Variants in PTPRQ observed in about 807,000 individuals in gnomAD.
The protein encoded by PTPRQ is phosphatidylinositol phosphatase PTPRQ.
PTPRQ carries 199 observed loss-of-function variants against 246.0 expected under a neutral mutation model. The observed-to-expected ratio is 0.81, with a 90% confidence interval of 0.72 to 0.91. The LOEUF is 0.91. Ranked by LOEUF, PTPRQ falls within the 40% of genes least tolerant of loss-of-function variation. The probability of loss-of-function intolerance (pLI) is 0.00; values close to 1 mark genes in which losing one functional copy is unlikely to be tolerated. For missense variants in PTPRQ, 2,624 were observed against 2,528.4 expected (o/e 1.04, Z -0.81); for synonymous variants, 869 against 853.2 (o/e 1.02, Z -0.32).
Position 80,534,426 on chromosome 12 carries a change from A to G in PTPRQ, c.2839+251A>G, listed in dbSNP as rs553427363. Among the ~76,000 whole-genome samples the G allele has an allele frequency of 8.5e-5, 13 of 152,178 alleles. No individual in the cohort carries two copies. In the East Asian group the frequency reaches 1.9e-3, roughly 23 times the overall value. On this transcript the variant is annotated intron_variant, in intron 18 of 44. Coordinates refer to ENST00000644991, the MANE Select transcript of PTPRQ (RefSeq NM_001145026.2). ...TTCACAGGGTTCTTATGAAGATTAC[A>G]TAAGTTTATATTTTTAAAAGCACTT...
At position 80,632,987 on chromosome 12, in the gene PTPRQ, T is replaced by C. The variant is rs575135041; in HGVS notation, c.5786+696T>C. 8.1e-4 allele frequency among the ~76,000 whole-genome samples: 124 copies of C among 152,228 alleles called. 1 individual carries two copies. The highest frequency in any genetic ancestry group is 2.7e-3 in the African/African-American group (114 of 41,532). On this transcript the variant is annotated intron_variant, in intron 34 of 44. Coordinates refer to ENST00000644991, the MANE Select transcript of PTPRQ (RefSeq NM_001145026.2). ...CACAATGAATAACAATAATGCAGGATTGGATCCCACAAGGGCAGTGTTTTC... is the reference window on the plus strand; with the variant it reads ...CACAATGAATAACAATAATGCAGGACTGGATCCCACAAGGGCAGTGTTTTC...
At chr12:80,678,865 C>T (rs1901229288) in intron 44 of PTPRQ, 121 bp from the exon 45 acceptor site, 1 of 1,296,470 alleles carries the variant, frequency 7.7e-7, no homozygotes, top group Non-Finnish European at 9.9e-7. Flanking sequence ...TTTAACTTTT[C>T]TCTAATCCAA....
intron 8 of PTPRQ, among the ~76,000 whole-genome samples, chr12:80,474,716 G>A (rs1258283330): frequency 6.6e-6 from 1 of 152,126 alleles, no homozygotes; most frequent in African/African-American, 2.4e-5. Context: ...TATAACATAG[G>A]CAACAGCATT....
intron 35 of PTPRQ, among the ~76,000 whole-genome samples, chr12:80,636,153 T>C (rs1012966862): frequency 2.0e-5 from 3 of 152,244 alleles, no homozygotes; most frequent in Non-Finnish European, 4.4e-5. Context: ...TTCTTGGATA[T>C]GACAGCTGAC....
At chr12:80,466,253 A>G (rs1893407347) in intron 6 of PTPRQ, among the ~76,000 whole-genome samples, 1 of 152,208 alleles carries the variant, frequency 6.6e-6, no homozygotes, top group South Asian at 2.1e-4. Context: ...ACTCCCATTC[A>G]CAGTTGCTTC....
At chr12:80,593,532 C>G (rs1338283834) in intron 26 of PTPRQ, 3 of 152,142 alleles carry the variant, frequency 2.0e-5, no homozygotes, top group Non-Finnish European at 4.4e-5. Flanking sequence ...CTCTCACATG[C>G]TCTCACCTAG....
In PTPRQ at chr12:80,506,586, C is replaced by A. The variant is rs749369907; in HGVS notation, c.2473C>A (p.Gln825Lys). 11 of 1,534,014 alleles carry A rather than the reference C, an allele frequency of 7.2e-6. No individual in the cohort carries two copies. Among genetic ancestry groups the A allele is most frequent in the South Asian group, 2.4e-5 (2 of 82,348 alleles). Residue 825 changes from glutamine to lysine, a missense_variant, in exon 16 of 45, where the codon CAA (glutamine) becomes AAA (lysine). Physicochemically the swap from Gln to Lys is moderately conservative, Grantham distance 53. Transcript: ENST00000644991. ...CTCTTTAGTACTGAAGAAATATACC[C>A]AATATATCATTGAGGTGTCTGCTAG... Reference protein sequence around the residue: ...QNIKVLKKYTQYIIEVSASTL... With the variant: ...QNIKVLKKYTKYIIEVSASTL...
At chr12:80,571,122 A>C (rs574106464) in intron 25 of PTPRQ, among the ~76,000 whole-genome samples, 1 of 152,260 alleles carries the variant, frequency 6.6e-6, no homozygotes, top group South Asian at 2.1e-4. Context: ...CTGTGAAGAA[A>C]GTCAATGGTA....
chr12:80,535,780 G>A (rs1301356601), intron 19 of PTPRQ, among the ~76,000 whole-genome samples: 2 of 152,172 alleles, frequency 1.3e-5, no homozygotes, highest in African/African-American at 4.8e-5. Context: ...GAATGATTAT[G>A]ATTGAATCAA....
rs535800753 is a variant in PTPRQ at position 80,570,779 on chromosome 12, G to A, written c.4286-17350G>A. On this transcript the variant is annotated intron_variant, in intron 25 of 44. Coordinates refer to ENST00000644991, the MANE Select transcript of PTPRQ (RefSeq NM_001145026.2). ...TTTTTGTATAAGGTGTAAGGAAGGG[G>A]TCCAGTTTCAGTTTTCTGCATATGG... Among the ~76,000 whole-genome samples, 26 of 152,128 alleles carry A rather than the reference G, an allele frequency of 1.7e-4. 1 individual carries two copies. In the South Asian group the frequency reaches 4.8e-3, roughly 28 times the overall value.
chr12:80,636,399 G>A lies in PTPRQ; in HGVS notation c.5915+1326G>A, dbSNP rs147190420. ...AGGAACACAAGCACTGCTACTACTA[G>A]ACTGTGTCTCAGCCCTTAAGGAATC... On this transcript the variant is annotated intron_variant, in intron 35 of 44. Coordinates refer to ENST00000644991, the MANE Select transcript of PTPRQ (RefSeq NM_001145026.2). Among the ~76,000 whole-genome samples, 882 of 152,292 alleles carry A rather than the reference G, an allele frequency of 5.8e-3. 5 individuals are homozygous for A. The highest frequency in any genetic ancestry group is 8.5e-3 in the Admixed American group (130 of 15,284).
intron 17 of PTPRQ, among the ~76,000 whole-genome samples, chr12:80,525,654 GTCTCTCTCTC>G (rs71816551): frequency 6.8e-6 from 1 of 147,292 alleles, no homozygotes; most frequent in Non-Finnish European, 1.5e-5. Flanking sequence ...CTCTCTCTCT[GTCTCTCTCTC>G]TCTCTCTCTC....
intron 26 of PTPRQ, among the ~76,000 whole-genome samples, chr12:80,599,271 G>A (rs770677426): frequency 1.3e-5 from 2 of 151,930 alleles, no homozygotes; most frequent in Non-Finnish European, 2.9e-5. Flanking sequence ...ATGAGAGGAA[G>A]TGATTGGATT....
At chr12:80,618,943 G>A (rs570678809) in intron 30 of PTPRQ, among the ~76,000 whole-genome samples, 1 of 151,666 alleles carries the variant, frequency 6.6e-6, no homozygotes, top group East Asian at 1.9e-4. Flanking sequence ...AATATGGGAT[G>A]CTATCATCTA....
chr12:80,566,841 A>G (rs1200623386), intron 25 of PTPRQ, among the ~76,000 whole-genome samples: 1 of 152,184 alleles, frequency 6.6e-6, no homozygotes, highest in Non-Finnish European at 1.5e-5. Context: ...TGACTGGCCT[A>G]CTTTAATATT....
At chr12:80,573,383 G>T (rs544120037) in intron 25 of PTPRQ, among the ~76,000 whole-genome samples, 2 of 152,154 alleles carry the variant, frequency 1.3e-5, no homozygotes, top group East Asian at 3.9e-4. Flanking sequence ...CAGCTACTCG[G>T]GAGGCTGAGG....
intron 17 of PTPRQ, among the ~76,000 whole-genome samples, chr12:80,522,780 G>T (rs1222084694): frequency 6.6e-6 from 1 of 152,110 alleles, no homozygotes; most frequent in Non-Finnish European, 1.5e-5. Flanking sequence ...TTTTATTGAG[G>T]ATTTTTGCAT....
At chr12:80,529,876 G>C (rs114974590) in intron 17 of PTPRQ, among the ~76,000 whole-genome samples, 2,402 of 152,176 alleles carry the variant, frequency 0.016, 59 homozygotes, top group African/African-American at 0.055. Context: ...TAGGTTTAGA[G>C]TTAAATAAGT....
At chr12:80,598,260 T>G (rs574805176) in intron 26 of PTPRQ, among the ~76,000 whole-genome samples, 4 of 152,082 alleles carry the variant, frequency 2.6e-5, no homozygotes, top group Admixed American at 2.0e-4. Flanking sequence ...ACACTTAACA[T>G]CTCATAAAAT....
Sources: allele counts gnomAD v4.1 joint callset (sites outside exome capture counted in the v4.1 genomes callset), GRCh38; gene constraint gnomAD v4.1.1; transcripts MANE v1.5; gene names NCBI Gene and HGNC (gene_info 2026-07-23, HGNC 2026-07-21).